The following LRP1B variants were observed in gnomAD, a reference collection of about 807,000 sequenced individuals.
The protein encoded by LRP1B is LDL receptor related protein 1B.
In LRP1B, 217 loss-of-function variants were observed where a neutral mutation model predicts 556.6. The ratio of observed to expected loss-of-function variants is 0.39; its 90% CI spans 0.35 to 0.44. LRP1B has a LOEUF of 0.44. Ranked by LOEUF, LRP1B falls within the 20% of genes least tolerant of loss-of-function variation. The pLI is 1.00. For synonymous variants in LRP1B, 2,047 were observed against 1,865.8 expected (o/e 1.10, Z -2.50); for missense variants, 5,053 against 5,620.8 (o/e 0.90, Z 3.23).
At chr2:140,777,933 A>G (rs1204089149) in intron 32 of LRP1B, among the ~76,000 whole-genome samples, 1 of 152,178 alleles carries the variant, frequency 6.6e-6, no homozygotes, top group South Asian at 2.1e-4. Context: ...AGTAAAAAAA[A>G]GATTAGTAGA....
chr2:141,589,138 T>C (rs990372497), intron 2 of LRP1B, among the ~76,000 whole-genome samples: 9 of 152,308 alleles, frequency 5.9e-5, no homozygotes, highest in Non-Finnish European at 1.3e-4. Context: ...ACTTGCAGTA[T>C]TGAGTTATGA....
intron 1 of LRP1B, among the ~76,000 whole-genome samples, chr2:141,992,720 A>T (rs977971833): frequency 6.6e-6 from 1 of 152,048 alleles, no homozygotes; most frequent in Non-Finnish European, 1.5e-5. Flanking sequence ...TGAAGCTATT[A>T]ATTCACTCTG....
intron 31 of LRP1B, among the ~76,000 whole-genome samples, chr2:140,829,002 A>C (rs1691623690): frequency 6.6e-6 from 1 of 152,148 alleles, no homozygotes; most frequent in African/African-American, 2.4e-5. Context: ...TAGATAAAAC[A>C]GACTTTAAAT....
At chr2:141,188,836 C>T (rs967339960) in intron 6 of LRP1B, among the ~76,000 whole-genome samples, 1 of 151,748 alleles carries the variant, frequency 6.6e-6, no homozygotes, top group Admixed American at 6.6e-5. Context: ...AGAGTTTCCA[C>T]GTTTTAAAAT....
chr2:141,389,827 G>A (rs1455696287), intron 3 of LRP1B, among the ~76,000 whole-genome samples: 1 of 152,138 alleles, frequency 6.6e-6, no homozygotes, highest in Non-Finnish European at 1.5e-5. Flanking sequence ...AAACAACATT[G>A]ATGGACATTT....
chr2:141,817,529 T>C (rs1197998781), intron 1 of LRP1B, among the ~76,000 whole-genome samples: 1 of 152,046 alleles, frequency 6.6e-6, no homozygotes, highest in Non-Finnish European at 1.5e-5. Flanking sequence ...GATATAGCCA[T>C]AGCTGAAAAA....
In LRP1B at chr2:141,185,708, A is replaced by T. The variant is rs369652260; in HGVS notation, c.1013+2713T>A. On this transcript the variant is annotated intron_variant, in intron 7 of 90. Transcript: ENST00000389484. ...CAAACAAAAAAAAACAAAAAAAAAA[A>T]CAAGAACCAAAAAATTATATTTCTT... Among the ~76,000 whole-genome samples the T allele has an allele frequency of 2.2e-4, 34 of 151,148 alleles. No homozygotes were observed. In the South Asian group the frequency reaches 6.5e-3, roughly 29 times the overall value.
chr2:141,773,060 A>G (rs1694952656), intron 2 of LRP1B, among the ~76,000 whole-genome samples: 3 of 152,208 alleles, frequency 2.0e-5, no homozygotes, highest in African/African-American at 7.2e-5. Context: ...ATTAAGAAAT[A>G]GTTAAGATTT....
At chr2:140,957,114 G>A (rs1488929785) in intron 18 of LRP1B, among the ~76,000 whole-genome samples, 1 of 151,646 alleles carries the variant, frequency 6.6e-6, no homozygotes, top group East Asian at 1.9e-4. Flanking sequence ...TCTGATAGAT[G>A]TTATTTTATA....
intron 66 of LRP1B, among the ~76,000 whole-genome samples, chr2:140,427,807 C>A (rs1685727659): frequency 6.6e-6 from 1 of 151,976 alleles, no homozygotes; most frequent in South Asian, 2.1e-4. Flanking sequence ...CCCCTCCTCG[C>A]CAGGCCGAGC....
intron 16 of LRP1B, among the ~76,000 whole-genome samples, chr2:140,991,081 T>C (rs543006840): frequency 6.6e-6 from 1 of 152,248 alleles, no homozygotes; most frequent in South Asian, 2.1e-4. Context: ...AAGCTTTATA[T>C]TCTCTGGTAT....
intron 32 of LRP1B, among the ~76,000 whole-genome samples, chr2:140,802,418 T>A (rs1177871544): frequency 6.6e-6 from 1 of 152,234 alleles, no homozygotes; most frequent in East Asian, 1.9e-4. Flanking sequence ...CTATTTTATA[T>A]CTAAAGACAA....
chr2:141,354,719 C>G (rs1417133160), intron 3 of LRP1B, among the ~76,000 whole-genome samples: 1 of 151,782 alleles, frequency 6.6e-6, no homozygotes, highest in Non-Finnish European at 1.5e-5. Context: ...GTGGCTATAG[C>G]CACTAACTCA....
At chr2:140,286,684 AATTC>A (rs1683165937) in intron 84 of LRP1B, among the ~76,000 whole-genome samples, 1 of 151,888 alleles carries the variant, frequency 6.6e-6, no homozygotes, top group Admixed American at 6.6e-5. Context: ...GTTCATTCTA[AATTC>A]ATGTATCATT....
chr2:140,380,550 A>C (rs1030805965), intron 67 of LRP1B, among the ~76,000 whole-genome samples: 1 of 152,226 alleles, frequency 6.6e-6, no homozygotes, highest in Non-Finnish European at 1.5e-5. Flanking sequence ...ATAACAGCCC[A>C]AAATTTTTTC....
At chr2:142,111,994 T>C (rs576610266) in intron 1 of LRP1B, among the ~76,000 whole-genome samples, 9 of 152,196 alleles carry the variant, frequency 5.9e-5, no homozygotes, top group African/African-American at 2.2e-4. Flanking sequence ...TATACAATGA[T>C]ACACCATATT....
At chr2:141,324,795 A>C (rs1687376162) in intron 3 of LRP1B, among the ~76,000 whole-genome samples, 1 of 152,144 alleles carries the variant, frequency 6.6e-6, no homozygotes, top group East Asian at 1.9e-4. Flanking sequence ...TGATGCCAAC[A>C]ATCAAGAACA....
At chr2:141,443,320 CT>C (rs1202996353) in intron 3 of LRP1B, among the ~76,000 whole-genome samples, 2 of 152,034 alleles carry the variant, frequency 1.3e-5, no homozygotes, top group Non-Finnish European at 2.9e-5. Context: ...CTTATAGATT[CT>C]GTATATTAGC....
chr2:141,181,143 T>C lies in LRP1B; in HGVS notation c.1013+7278A>G, dbSNP rs1680974572. 2.0e-5 allele frequency among the ~76,000 whole-genome samples: 3 copies of C among 152,076 alleles called. No homozygotes were observed. The South Asian group carries it at 6.2e-4, about 32-fold the overall frequency. ...TTCTGACCAAGAAGATATGAGAGAATGTCTGATTTGGGAGCTCTTGTACAC... is the reference window on the plus strand; with the variant it reads ...TTCTGACCAAGAAGATATGAGAGAACGTCTGATTTGGGAGCTCTTGTACAC... On this transcript the variant is annotated intron_variant, in intron 7 of 90. Transcript: ENST00000389484.
Sources: gnomAD v4.1 joint callset for allele counts (sites outside exome capture counted in the v4.1 genomes callset) on GRCh38, gnomAD v4.1.1 for gene constraint, MANE v1.5 for transcripts, NCBI Gene and HGNC (gene_info 2026-07-23, HGNC 2026-07-21) for gene names.